Variants in PGBD2 observed in about 807,000 individuals in gnomAD.
PGBD2 encodes piggyBac transposable element derived 2.
A neutral mutation model predicts 8.1 loss-of-function variants in PGBD2; 6 were observed. That is an observed-to-expected ratio of 0.74 (90% CI 0.40 to 1.46). The LOEUF (loss-of-function observed/expected upper bound fraction) is 1.46, where lower values mean the gene tolerates loss of function less well. PGBD2 is among the 40% of genes most tolerant of loss of function. The pLI, the probability that PGBD2 is intolerant of heterozygous loss-of-function variation, is 0.02. For missense variants in PGBD2, 802 were observed against 739.0 expected (o/e 1.09, Z -0.99); for synonymous variants, 318 against 272.2 (o/e 1.17, Z -1.66).
the PGBD2 span, among the ~76,000 whole-genome samples, chr1:248,874,336 A>C: frequency 6.6e-6 from 1 of 152,126 alleles, no homozygotes; most frequent in East Asian, 1.9e-4. Context: ...CGTTTTAAAA[A>C]CTGTTGCCGC....
rs778280564 is a variant in PGBD2, at chr1:248,916,802, G to T, written c.218G>T (p.Ser73Ile). 6.2e-7 allele frequency: 1 copy of T among 1,614,216 alleles called. No homozygotes were observed. The highest frequency in any genetic ancestry group is 1.1e-5 in the South Asian group (1 of 91,086). The change falls in exon 3 of 3, where the codon AGT (serine) becomes ATT (isoleucine). Residue 73 changes from serine to isoleucine, a missense_variant. Physicochemically the swap from Ser to Ile is moderately radical, Grantham distance 142 (BLOSUM62 -2). Coordinates refer to ENST00000329291, the MANE Select transcript of PGBD2 (RefSeq NM_170725.3). Reference sequence around the variant, plus strand: ...CAGCGAGGTGCTCACCTACCTGGCAGTGTGCTGCATGCTTCAGTCCTGTGT... The same window carrying T: ...CAGCGAGGTGCTCACCTACCTGGCATTGTGCTGCATGCTTCAGTCCTGTGT... ...DSQRGAHLPG[S>I]VLHASVLCED... is the part of the protein sequence containing the mutation.
the PGBD2 span, among the ~76,000 whole-genome samples, chr1:248,894,778 TC>T: frequency 7.6e-4 from 112 of 147,974 alleles, no homozygotes; most frequent in African/African-American, 2.7e-3. Context: ...TCTCCTTCCT[TC>T]CTTTTCTCTC....
chr1:248,923,066 G>C (rs1378539999), downstream of PGBD2, among the ~76,000 whole-genome samples: 1 of 152,118 alleles, frequency 6.6e-6, no homozygotes, highest in Non-Finnish European at 1.5e-5. Context: ...GGTAGAATTC[G>C]GCTGTGAATC....
In PGBD2 at chr1:248,917,895, C is replaced by T. The variant is rs1662171500; in HGVS notation, c.1311C>T (p.His437=). ...AGCCAGTGAGGCTGACCAGTCGTCA[C>T]TCTGGAGCAGCTAAAACGCGGACTC... ...GIEPVRLTSR[H]SGAAKTRTQV... is the part of the protein sequence containing the mutation. The change falls in exon 3 of 3, where the codon CAC becomes CAT. Residue 437 remains histidine, a synonymous_variant. Transcript: ENST00000329291. The T allele has an allele frequency of 6.8e-6, 11 of 1,614,258 alleles. No individual in the cohort carries two copies. The highest frequency in any genetic ancestry group is 9.3e-6 in the Non-Finnish European group (11 of 1,180,050).
At chr1:248,926,994 A>C in the PGBD2 span, among the ~76,000 whole-genome samples, 5 of 152,154 alleles carry the variant, frequency 3.3e-5, no homozygotes, top group African/African-American at 9.7e-5. Flanking sequence ...GGAGACAATG[A>C]TAGTGGAGTC....
the PGBD2 span, among the ~76,000 whole-genome samples, chr1:248,875,409 G>A: frequency 6.6e-6 from 1 of 151,250 alleles, no homozygotes; most frequent in East Asian, 1.9e-4. Context: ...ATTACTCCAT[G>A]TCACACCTAA....
downstream of PGBD2, among the ~76,000 whole-genome samples, chr1:248,921,920 G>C (rs1558292543): frequency 6.6e-6 from 1 of 152,168 alleles, no homozygotes; most frequent in Non-Finnish European, 1.5e-5. Flanking sequence ...GTTCACTCAT[G>C]ATTCGGCTGT....
At chr1:248,924,447 A>C (rs1662346049), downstream of PGBD2, among the ~76,000 whole-genome samples, 1 of 152,172 alleles carries the variant, frequency 6.6e-6, no homozygotes. Flanking sequence ...ATTTTTTTTC[A>C]AAATGGAGAA....
chr1:248,873,004 TCA>T, the PGBD2 span, among the ~76,000 whole-genome samples: 1 of 151,840 alleles, frequency 6.6e-6, no homozygotes. Flanking sequence ...TGGTTTTTCC[TCA>T]CACTCTGTAC....
chr1:248,915,676 G>A (rs1478306490), intron 2 of PGBD2, among the ~76,000 whole-genome samples: 1 of 152,224 alleles, frequency 6.6e-6, no homozygotes, highest in Non-Finnish European at 1.5e-5. Context: ...GGGCCAGAGA[G>A]TGTCAGGAGT....
At position 248,909,338 on chromosome 1, in the gene PGBD2, C is replaced by T. The variant is rs1348910731; in HGVS notation, c.-48+2996C>T. 3.3e-5 allele frequency among the ~76,000 whole-genome samples: 5 copies of T among 152,112 alleles called. No homozygotes were observed. The East Asian group carries it at 7.7e-4, about 23-fold the overall frequency. On this transcript the variant is annotated intron_variant, in intron 1 of 2. Coordinates refer to ENST00000329291, the MANE Select transcript of PGBD2 (RefSeq NM_170725.3). ...CTGGTTGAGTCCACTGTATTAGATT[C>T]TTCACTGACAGGTATTTCCTATGCG... is the stretch of plus-strand genomic sequence containing the variant.
downstream of PGBD2, among the ~76,000 whole-genome samples, chr1:248,921,198 G>C (rs1483635091): frequency 1.3e-5 from 2 of 152,142 alleles, no homozygotes; most frequent in Non-Finnish European, 1.5e-5. Flanking sequence ...TGGTGTTTTA[G>C]ACATGAAGTC....
At chr1:248,882,170 G>T in the PGBD2 span, among the ~76,000 whole-genome samples, 1 of 152,132 alleles carries the variant, frequency 6.6e-6, no homozygotes, top group Non-Finnish European at 1.5e-5. Context: ...GTCCAGGGGG[G>T]TCACCGCCTT....
the PGBD2 span, among the ~76,000 whole-genome samples, chr1:248,927,600 T>G: frequency 6.6e-6 from 1 of 152,214 alleles, no homozygotes; most frequent in Non-Finnish European, 1.5e-5. Flanking sequence ...CACATGTATG[T>G]GGCTGTGTCA....
chr1:248,914,769 C>T (rs1572278091), intron 2 of PGBD2, among the ~76,000 whole-genome samples: 1 of 152,180 alleles, frequency 6.6e-6, no homozygotes. Context: ...GGTTCACCCC[C>T]ACCCCTGGGG....
chr1:248,918,039 C>T lies in PGBD2; in HGVS notation c.1455C>T (p.Ser485=), dbSNP rs763651578. 18 of 1,614,152 alleles carry T rather than the reference C, an allele frequency of 1.1e-5. No homozygotes were observed. In the East Asian group the frequency reaches 4.0e-4, roughly 36 times the overall value. ...VKIRGMKWYS[S]FIGYVIDAAL... is the part of the protein sequence containing the mutation. Reference sequence around the variant, plus strand: ...TCCGAGGCATGAAGTGGTACTCAAGCTTTATTGGCTATGTCATTGATGCTG... The same window carrying T: ...TCCGAGGCATGAAGTGGTACTCAAGTTTTATTGGCTATGTCATTGATGCTG... The change falls in exon 3 of 3, where the codon AGC becomes AGT. Residue 485 remains serine (S), a synonymous_variant. Transcript: ENST00000329291.
intron 1 of PGBD2, among the ~76,000 whole-genome samples, chr1:248,907,212 C>T (rs1212194284): frequency 6.6e-6 from 1 of 151,940 alleles, no homozygotes; most frequent in Non-Finnish European, 1.5e-5. Context: ...AGTGGAGGTA[C>T]TATGCCTGGA....
rs1181690417 is a variant in PGBD2 at position 248,914,616 on chromosome 1, G to A, written c.17+737G>A. 3.1e-6 allele frequency: 4 copies of A among 1,286,838 alleles called. No individual in the cohort carries two copies. The South Asian group carries it at 3.7e-5, about 12-fold the overall frequency. The allele number at this position is 1,286,838 out of a possible 1,614,324, so 79.7% of individuals were successfully genotyped here. A position where few individuals can be genotyped will look rare whatever the true frequency, so the allele number is the denominator to read the frequency against. ...CTGCATCCTTCTGTTGGGATGGAGG[G>A]TCCTCACGTAGAGGTTGGGGCCTGC... On this transcript the variant is annotated intron_variant, in intron 2 of 2. Transcript: ENST00000329291.
the PGBD2 span, among the ~76,000 whole-genome samples, chr1:248,880,920 C>T: frequency 5.9e-4 from 89 of 152,128 alleles, no homozygotes; most frequent in African/African-American, 2.0e-3. Flanking sequence ...TTAATTTGTT[C>T]CCTAGTCATT....
Sources: allele counts gnomAD v4.1 joint callset (sites outside exome capture counted in the v4.1 genomes callset), GRCh38; gene constraint gnomAD v4.1.1; transcripts MANE v1.5; gene names NCBI Gene and HGNC (gene_info 2026-07-23, HGNC 2026-07-21).